ADAMTS3: variants seen among roughly 807,000 people sequenced by gnomAD.
The protein encoded by ADAMTS3 is A disintegrin and metalloproteinase with thrombospondin motifs 3.
ADAMTS3 carries 73 observed loss-of-function variants against 129.0 expected under a neutral mutation model. The observed-to-expected ratio is 0.57, with a 90% confidence interval of 0.47 to 0.69. The LOEUF (loss-of-function observed/expected upper bound fraction) is 0.69, where lower values mean the gene tolerates loss of function less well. Among genes scored for constraint, ADAMTS3 ranks in the 30% least tolerant of loss-of-function variants. The probability of loss-of-function intolerance (pLI) is 0.00; values close to 1 mark genes in which losing one functional copy is unlikely to be tolerated. For missense variants in ADAMTS3, 1,457 were observed against 1,514.5 expected (o/e 0.96, Z 0.63); for synonymous variants, 477 against 510.8 (o/e 0.93, Z 0.89).
At chr4:72,380,372 T>A (rs1721255250) in intron 4 of ADAMTS3, among the ~76,000 whole-genome samples, 2 of 152,142 alleles carry the variant, frequency 1.3e-5, no homozygotes, top group African/African-American at 4.8e-5. Context: ...AGGGTGATGA[T>A]TCCTGTCACT....
At chr4:72,344,482 T>C (rs1720226487) in intron 4 of ADAMTS3, among the ~76,000 whole-genome samples, 1 of 152,160 alleles carries the variant, frequency 6.6e-6, no homozygotes, top group Non-Finnish European at 1.5e-5. Flanking sequence ...TACCCAATAT[T>C]CATTCTCTCT....
rs1560478529 is a variant in ADAMTS3, at chr4:72,339,521, T to C, written c.834A>G (p.Gln278=). 1.2e-6 allele frequency: 2 copies of C among 1,613,914 alleles called. No individual in the cohort carries two copies. Among genetic ancestry groups the C allele is most frequent in the Non-Finnish European group, 1.7e-6 (2 of 1,179,866 alleles). Residue 278 remains glutamine (Q), a synonymous_variant, in exon 5 of 22, where the codon CAA becomes CAG. Transcript: ENST00000286657. ...VVRFHGKEHV[Q]NYLLTLMNIV... is the part of the protein sequence containing the mutation. ...TGTTCATTAGGGTCAGGAGGTAGTT[T>C]TGGACGTGCTCTTTGCCATGGAAAC... is the stretch of plus-strand genomic sequence containing the variant.
chr4:72,303,004 G>A (rs1718990512), intron 17 of ADAMTS3, among the ~76,000 whole-genome samples: 1 of 152,106 alleles, frequency 6.6e-6, no homozygotes, highest in African/African-American at 2.4e-5. Flanking sequence ...CTGCCCAAAT[G>A]AGGGAGTTTT....
Position 72,290,853 on chromosome 4 carries a change from A to G in ADAMTS3, c.2931+2T>C. The G allele has an allele frequency of 6.2e-7, 1 of 1,613,552 alleles. No individual in the cohort carries two copies. The highest frequency in any genetic ancestry group is 8.5e-7 in the Non-Finnish European group (1 of 1,179,744). On this transcript the variant is annotated splice_donor_variant, in intron 20 of 21. Transcript: ENST00000286657. LOFTEE classifies it high-confidence loss of function. The stretch of plus-strand genomic sequence containing the variant: ...ATGCATGCACGGAATTCACACACCT[A>G]CCTCACTCCAGGGTCCTGTTTTCCA...
At chr4:72,289,018 G>C in intron 20 of ADAMTS3, 150 bp from the exon 21 acceptor site, 1 of 558,852 alleles carries the variant, frequency 1.8e-6, no homozygotes, top group Non-Finnish European at 3.2e-6. Flanking sequence ...GCTGCACAGT[G>C]GTTTTGAAGA....
intron 17 of ADAMTS3, 140 bp from the exon 18 acceptor site, chr4:72,298,582 C>A: frequency 1.6e-6 from 1 of 636,946 alleles, no homozygotes; most frequent in South Asian, 3.2e-5. Context: ...GTTTTTATTT[C>A]TATAAACCAT....
At chr4:72,377,856 T>C (rs1446652709) in intron 4 of ADAMTS3, among the ~76,000 whole-genome samples, 1 of 152,132 alleles carries the variant, frequency 6.6e-6, no homozygotes, top group African/African-American at 2.4e-5. Context: ...GCTCCAAAAC[T>C]GGGATTCACT....
intron 3 of ADAMTS3, among the ~76,000 whole-genome samples, chr4:72,438,055 G>T (rs1718011813): frequency 6.6e-6 from 1 of 151,612 alleles, no homozygotes; most frequent in South Asian, 2.1e-4. Context: ...GATTTAAAGT[G>T]ATTTTAAGCC....
intron 3 of ADAMTS3, among the ~76,000 whole-genome samples, chr4:72,466,309 T>G (rs1422553422): frequency 2.0e-5 from 3 of 152,022 alleles, no homozygotes; most frequent in Non-Finnish European, 4.4e-5. Context: ...GAGAGCCATG[T>G]GCATCCTTGT....
In ADAMTS3 at chr4:72,368,697, A is replaced by C. The variant is rs554117384; in HGVS notation, c.662-29004T>G. Among the ~76,000 whole-genome samples the C allele has an allele frequency of 5.3e-5, 8 of 152,364 alleles. No individual in the cohort carries two copies. The South Asian group carries it at 1.7e-3, about 32-fold the overall frequency. ...CTTAAAGGACCAGTGATTGATGCCA[A>C]AATGACTTCAGAACAAGCCTAGAAA... On this transcript the variant is annotated intron_variant, in intron 4 of 21. Coordinates refer to ENST00000286657, the MANE Select transcript of ADAMTS3 (RefSeq NM_014243.3).
At chr4:72,438,131 C>T (rs1342992616) in intron 3 of ADAMTS3, among the ~76,000 whole-genome samples, 1 of 151,618 alleles carries the variant, frequency 6.6e-6, no homozygotes, top group Non-Finnish European at 1.5e-5. Context: ...GGAAAGCAAC[C>T]CGACTATATC....
chr4:72,416,200 TATAA>T (rs572356539), intron 3 of ADAMTS3, among the ~76,000 whole-genome samples: 10 of 148,150 alleles, frequency 6.7e-5, no homozygotes, highest in African/African-American at 2.0e-4. Context: ...CATATATGTA[TATAA>T]ATAAATAAAT....
intron 3 of ADAMTS3, among the ~76,000 whole-genome samples, chr4:72,534,991 G>A (rs562783865): frequency 2.8e-4 from 43 of 152,272 alleles, no homozygotes; most frequent in African/African-American, 9.9e-4. Flanking sequence ...AAGTCTAGGT[G>A]TGACACCACA....
chr4:72,511,454 A>G lies in ADAMTS3; in HGVS notation c.504+37024T>C, dbSNP rs1842650. On this transcript the variant is annotated intron_variant, in intron 3 of 21. Coordinates refer to ENST00000286657, the MANE Select transcript of ADAMTS3 (RefSeq NM_014243.3). Reference sequence around the variant, plus strand: ...ATAACCTGATCCAAAATTAGGGAAAAGATTTGAATAGACATTTCTCAAAAG... The same window carrying G: ...ATAACCTGATCCAAAATTAGGGAAAGGATTTGAATAGACATTTCTCAAAAG... 8.0e-3 allele frequency among the ~76,000 whole-genome samples: 1,217 copies of G among 152,304 alleles called. 18 individuals carry two copies. Among genetic ancestry groups the G allele is most frequent in the African/African-American group, 0.028 (1,169 of 41,566 alleles).
intron 3 of ADAMTS3, among the ~76,000 whole-genome samples, chr4:72,453,119 C>G (rs185879844): frequency 6.6e-6 from 1 of 151,878 alleles, no homozygotes; most frequent in Non-Finnish European, 1.5e-5. Context: ...TGGCCACAGG[C>G]CATTGCTTTA....
intron 3 of ADAMTS3, among the ~76,000 whole-genome samples, chr4:72,538,249 A>T (rs1314513097): frequency 6.6e-6 from 1 of 152,252 alleles, no homozygotes; most frequent in Non-Finnish European, 1.5e-5. Context: ...AAAATTGCCA[A>T]ATTTGATGAA....
chr4:72,401,565 T>TAAA (rs1721919118), intron 4 of ADAMTS3, among the ~76,000 whole-genome samples: 1 of 5,470 alleles, frequency 1.8e-4, no homozygotes, highest in Non-Finnish European at 3.5e-4. Flanking sequence ...ATACTCTGTC[T>TAAA]CAAAAAAAAA....
At chr4:72,345,032 A>G (rs1031347856) in intron 4 of ADAMTS3, among the ~76,000 whole-genome samples, 15 of 152,122 alleles carry the variant, frequency 9.9e-5, no homozygotes, top group Admixed American at 7.9e-4. Flanking sequence ...TTTACTCCCT[A>G]TGAGAATGCA....
At position 72,320,708 on chromosome 4, in the gene ADAMTS3, C is replaced by A. The variant is rs1480722104; in HGVS notation, c.1102+6G>T. The A allele has an allele frequency of 7.4e-6, 12 of 1,612,426 alleles. No homozygotes were observed. The highest frequency in any genetic ancestry group is 1.3e-5 in the African/African-American group (1 of 74,954). ...AAGTATTTCTTCTACATATTGACAGCAATACCTTGCATTCCAGCAGGTCCA... is the reference window on the plus strand; with the variant it reads ...AAGTATTTCTTCTACATATTGACAGAAATACCTTGCATTCCAGCAGGTCCA... On this transcript the variant is annotated splice_donor_region_variant and intron_variant, in intron 7 of 21. Transcript: ENST00000286657.
Sources: allele counts gnomAD v4.1 joint callset (sites outside exome capture counted in the v4.1 genomes callset), GRCh38; gene constraint gnomAD v4.1.1; transcripts MANE v1.5; gene names NCBI Gene and HGNC (gene_info 2026-07-23, HGNC 2026-07-21).